TOX3: variants seen among roughly 807,000 people sequenced by gnomAD.
The protein encoded by TOX3 is CAG trinucleotide repeat-containing gene F9 protein.
Under a neutral mutation model 64.3 loss-of-function variants are expected in TOX3, and 22 were observed. The observed-to-expected ratio is 0.34, with a 90% CI of 0.24 to 0.49. TOX3 has a LOEUF of 0.49. TOX3 is among the 20% of genes least tolerant of loss of function. TOX3 has a pLI of 0.99. For synonymous variants in TOX3, 291 were observed against 273.6 expected, an observed-to-expected ratio of 1.06 and a Z score of -0.63; for missense variants, 661 against 714.4, an observed-to-expected ratio of 0.93 and a Z score of 0.85.
intron 3 of TOX3, among the ~76,000 whole-genome samples, chr16:52,457,047 G>C (rs1960539684): frequency 6.6e-6 from 1 of 152,182 alleles, no homozygotes; most frequent in African/African-American, 2.4e-5. Flanking sequence ...AGGGTAGCAG[G>C]ATATGAGAAG....
At chr16:52,440,370 C>A (rs886343952) in intron 6 of TOX3, among the ~76,000 whole-genome samples, 2 of 152,156 alleles carry the variant, frequency 1.3e-5, no homozygotes, top group African/African-American at 4.8e-5. Context: ...TGCAAGCTGA[C>A]CCCAGACAGA....
chr16:52,497,767 T>A (rs189844243), intron 1 of TOX3, among the ~76,000 whole-genome samples: 1 of 152,148 alleles, frequency 6.6e-6, no homozygotes, highest in African/African-American at 2.4e-5. Context: ...TAGATGTCCT[T>A]ACAGAGCCAG....
At chr16:52,506,178 C>T (rs929049902) in intron 1 of TOX3, among the ~76,000 whole-genome samples, 2 of 152,196 alleles carry the variant, frequency 1.3e-5, no homozygotes, top group Non-Finnish European at 2.9e-5. Flanking sequence ...TAAAAGTCTT[C>T]TCACACTAAA....
At chr16:52,479,355 C>T in intron 1 of TOX3, among the ~76,000 whole-genome samples, 1 of 152,152 alleles carries the variant, frequency 6.6e-6, no homozygotes. Context: ...ATACACTGTG[C>T]TTAGGGGAGG....
At chr16:52,473,558 CGTGAAGGCTCG>C (rs1339984429) in intron 1 of TOX3, among the ~76,000 whole-genome samples, 11 of 152,100 alleles carry the variant, frequency 7.2e-5, no homozygotes, top group Non-Finnish European at 1.5e-4. Context: ...TCCACACGCA[CGTGAAGGCTCG>C]GTTAACTACC....
chr16:52,482,189 C>A (rs1014925114), intron 1 of TOX3, among the ~76,000 whole-genome samples: 1 of 152,016 alleles, frequency 6.6e-6, no homozygotes, highest in African/African-American at 2.4e-5. Flanking sequence ...TTCAATCGGG[C>A]GTTCAGCTAC....
chr16:52,529,650 T>C (rs1211554458), intron 1 of TOX3, among the ~76,000 whole-genome samples: 2 of 152,218 alleles, frequency 1.3e-5, no homozygotes, highest in Non-Finnish European at 2.9e-5. Flanking sequence ...GGGTTTCCTG[T>C]TTGACTCCAA....
Position 52,438,788 on chromosome 16 carries a change from G to A in TOX3, c.*437C>T. 7.9e-6 allele frequency: 2 copies of A among 253,900 alleles called. No individual in the cohort carries two copies. The highest frequency in any genetic ancestry group is 9.6e-5 in the East Asian group (1 of 10,422). 15.7% of individuals were successfully genotyped at this position (253,900 alleles called of 1,614,324 possible). A position where few individuals can be genotyped will look rare whatever the true frequency, so the allele number is the denominator to read the frequency against. ...ATGAAACTGGATCTTCATATTTCAG[G>A]TAGTTACAACTGTGCTTTTTATTTT... On this transcript the variant is annotated 3_prime_UTR_variant, in exon 7 of 7. Coordinates refer to ENST00000219746, the MANE Select transcript of TOX3 (RefSeq NM_001080430.4).
At chr16:52,444,932 AC>A (rs1960119262) in intron 5 of TOX3, 1 of 152,136 alleles carries the variant, frequency 6.6e-6, no homozygotes, top group African/African-American at 2.4e-5. Flanking sequence ...TCCATTAGTG[AC>A]CCCACTGAGT....
chr16:52,541,402 G>T (rs909856458), intron 1 of TOX3, among the ~76,000 whole-genome samples: 2 of 152,090 alleles, frequency 1.3e-5, no homozygotes, highest in African/African-American at 4.8e-5. Context: ...GGATTACAAA[G>T]GTCTGAATAT....
intron 1 of TOX3, among the ~76,000 whole-genome samples, chr16:52,498,456 T>A (rs542966327): frequency 2.9e-4 from 44 of 152,258 alleles, no homozygotes; most frequent in African/African-American, 9.6e-4. Flanking sequence ...TGAGATTCCA[T>A]CACACTTGCA....
At chr16:52,473,859 T>C (rs1275032737) in intron 1 of TOX3, among the ~76,000 whole-genome samples, 1 of 152,172 alleles carries the variant, frequency 6.6e-6, no homozygotes, top group African/African-American at 2.4e-5. Flanking sequence ...GGAATCTATA[T>C]ATAATCATAT....
intron 1 of TOX3, among the ~76,000 whole-genome samples, chr16:52,495,142 C>T (rs1961807526): frequency 6.6e-6 from 1 of 152,228 alleles, no homozygotes; most frequent in South Asian, 2.1e-4. Context: ...AGAATTGTTG[C>T]CCATCAATTG....
intron 1 of TOX3, among the ~76,000 whole-genome samples, chr16:52,529,851 T>A (rs1378280577): frequency 2.0e-5 from 3 of 152,096 alleles, no homozygotes; most frequent in Non-Finnish European, 2.9e-5. Flanking sequence ...TTAAAAAAAA[T>A]GATGTTCACG....
At chr16:52,501,265 A>G (rs1961992569) in intron 1 of TOX3, among the ~76,000 whole-genome samples, 1 of 152,226 alleles carries the variant, frequency 6.6e-6, no homozygotes, top group South Asian at 2.1e-4. Flanking sequence ...CCCAATTGCA[A>G]CATATGCAGG....
At chr16:52,538,685 T>C (rs1457332774) in intron 1 of TOX3, among the ~76,000 whole-genome samples, 1 of 152,208 alleles carries the variant, frequency 6.6e-6, no homozygotes, top group Non-Finnish European at 1.5e-5. Context: ...CCCATTTGTC[T>C]ATCTTCAAAT....
chr16:52,539,440 T>G (rs141376521), intron 1 of TOX3, among the ~76,000 whole-genome samples: 59 of 152,232 alleles, frequency 3.9e-4, no homozygotes, highest in African/African-American at 1.4e-3. Flanking sequence ...TAAGCACACA[T>G]TCCTTGTTTA....
At chr16:52,441,061 C>T (rs1326556718) in intron 6 of TOX3, among the ~76,000 whole-genome samples, 2 of 152,070 alleles carry the variant, frequency 1.3e-5, no homozygotes, top group Admixed American at 6.5e-5. Context: ...TACCCCTGGC[C>T]AGGTTATATG....
intron 1 of TOX3, among the ~76,000 whole-genome samples, chr16:52,536,505 G>T (rs1396590528): frequency 1.3e-5 from 2 of 150,548 alleles, no homozygotes; most frequent in African/African-American, 4.9e-5. Flanking sequence ...GTAAGAAAAT[G>T]AGGTAGGAAA....
Sources: allele counts gnomAD v4.1 joint callset (sites outside exome capture counted in the v4.1 genomes callset), GRCh38; gene constraint gnomAD v4.1.1; transcripts MANE v1.5; gene names NCBI Gene and HGNC (gene_info 2026-07-23, HGNC 2026-07-21).